PCDH15: variants seen among roughly 807,000 people sequenced by gnomAD.
PCDH15 encodes protocadherin-15.
PCDH15 carries 129 observed loss-of-function variants against 178.5 expected under a neutral mutation model. That is an observed-to-expected ratio of 0.72 (90% CI 0.63 to 0.84). The LOEUF (loss-of-function observed/expected upper bound fraction) is 0.84, where lower values mean the gene tolerates loss of function less well. PCDH15 is among the 40% of genes least tolerant of loss of function. The pLI is 0.00. For synonymous variants in PCDH15, 800 were observed against 732.0 expected, an observed-to-expected ratio of 1.09 and a Z score of -1.50; for missense variants, 2,230 against 2,099.9, an observed-to-expected ratio of 1.06 and a Z score of -1.21.
chr10:55,396,279 A>G (rs1837927268), intron 2 of PCDH15, among the ~76,000 whole-genome samples: 2 of 152,186 alleles, frequency 1.3e-5, no homozygotes, highest in Admixed American at 1.3e-4. Flanking sequence ...TAGAGAAAAG[A>G]TTGCACCATA....
intron 2 of PCDH15, among the ~76,000 whole-genome samples, chr10:55,082,674 A>T (rs2132027289): frequency 6.6e-6 from 1 of 151,752 alleles, no homozygotes; most frequent in East Asian, 1.9e-4. Flanking sequence ...CTAAAAAAGA[A>T]AAAAGAGAGA....
chr10:53,868,608 G>A (rs2079615358), intron 26 of PCDH15, among the ~76,000 whole-genome samples: 1 of 152,060 alleles, frequency 6.6e-6, no homozygotes, highest in Admixed American at 6.6e-5. Flanking sequence ...TACATAATAA[G>A]TAGTAAAGTT....
At chr10:54,418,864 G>A (rs1223363875) in intron 3 of PCDH15, among the ~76,000 whole-genome samples, 1 of 151,670 alleles carries the variant, frequency 6.6e-6, no homozygotes, top group Non-Finnish European at 1.5e-5. Context: ...ATATGCATTG[G>A]GAAATATTTG....
chr10:54,013,637 A>C (rs1318557354), intron 20 of PCDH15, among the ~76,000 whole-genome samples: 1 of 152,222 alleles, frequency 6.6e-6, no homozygotes, highest in Non-Finnish European at 1.5e-5. Context: ...ATGGAAATTA[A>C]CCACTTGTTC....
chr10:55,095,921 C>T (rs528723716), intron 2 of PCDH15, among the ~76,000 whole-genome samples: 3 of 152,042 alleles, frequency 2.0e-5, no homozygotes, highest in Admixed American at 2.0e-4. Flanking sequence ...AAATCAGGAG[C>T]TGTGGGTCCT....
chr10:54,286,326 T>C (rs2059023204), intron 8 of PCDH15, among the ~76,000 whole-genome samples: 1 of 152,172 alleles, frequency 6.6e-6, no homozygotes, highest in African/African-American at 2.4e-5. Context: ...ATATGCATAA[T>C]TATTATGTGT....
chr10:55,200,256 G>T (rs1008457979), intron 1 of PCDH15, among the ~76,000 whole-genome samples: 2 of 152,158 alleles, frequency 1.3e-5, no homozygotes, highest in Non-Finnish European at 2.9e-5. Flanking sequence ...CTTTGCATCA[G>T]TGTGGCCTAG....
intron 2 of PCDH15, among the ~76,000 whole-genome samples, chr10:55,385,803 ATG>A: frequency 6.7e-6 from 1 of 149,230 alleles, no homozygotes; most frequent in Non-Finnish European, 1.5e-5. Context: ...GTATATAGAT[ATG>A]CATATATATG....
intron 1 of PCDH15, among the ~76,000 whole-genome samples, chr10:55,193,424 AT>A (rs1427477281): frequency 6.6e-6 from 1 of 151,950 alleles, no homozygotes; most frequent in Non-Finnish European, 1.5e-5. Flanking sequence ...TACATATGCA[AT>A]TATGTTAAAA....
At chr10:55,406,615 G>A (rs1029075289) in intron 2 of PCDH15, among the ~76,000 whole-genome samples, 17 of 152,086 alleles carry the variant, frequency 1.1e-4, no homozygotes, top group Non-Finnish European at 2.4e-4. Flanking sequence ...GTGCTACCAG[G>A]GCAATGTTAA....
chr10:55,393,983 CTT>C (rs150421744), intron 2 of PCDH15, among the ~76,000 whole-genome samples: 2 of 151,556 alleles, frequency 1.3e-5, no homozygotes, highest in African/African-American at 4.8e-5. Flanking sequence ...ATATATATAA[CTT>C]TTTTTTTCTC....
chr10:54,248,931 TGGA>T (rs988341728), intron 8 of PCDH15, among the ~76,000 whole-genome samples: 5 of 151,948 alleles, frequency 3.3e-5, no homozygotes, highest in East Asian at 1.9e-4. Context: ...GCCTTAAAAA[TGGA>T]GGAGTTTAAT....
chr10:54,815,988 T>G (rs1207081501), intron 3 of PCDH15, among the ~76,000 whole-genome samples: 1 of 152,116 alleles, frequency 6.6e-6, no homozygotes, highest in Non-Finnish European at 1.5e-5. Context: ...TGATCAACAG[T>G]AGGCTATTAG....
chr10:54,433,980 G>A (rs896124771), intron 3 of PCDH15, among the ~76,000 whole-genome samples: 1 of 152,120 alleles, frequency 6.6e-6, no homozygotes, highest in Non-Finnish European at 1.5e-5. Context: ...CCTTTCATTG[G>A]GACGAGACGT....
chr10:54,987,705 T>C (rs1299084570), intron 2 of PCDH15, among the ~76,000 whole-genome samples: 1 of 148,910 alleles, frequency 6.7e-6, no homozygotes, highest in Non-Finnish European at 1.5e-5. Flanking sequence ...CACTTTTTGA[T>C]GTTTTTTTTT....
intron 1 of PCDH15, among the ~76,000 whole-genome samples, chr10:54,669,298 A>C (rs2094620197): frequency 6.6e-6 from 1 of 151,414 alleles, no homozygotes; most frequent in African/African-American, 2.4e-5. Flanking sequence ...TTTCAGATAT[A>C]TTCCTTCCTT....
At chr10:55,139,262 G>C (rs767241760) in intron 2 of PCDH15, among the ~76,000 whole-genome samples, 1 of 151,734 alleles carries the variant, frequency 6.6e-6, no homozygotes, top group African/African-American at 2.4e-5. Context: ...TCCTCTTATC[G>C]AGGTATTTGA....
intron 8 of PCDH15, among the ~76,000 whole-genome samples, chr10:54,269,660 T>G (rs181353098): frequency 6.6e-6 from 1 of 152,028 alleles, no homozygotes; most frequent in Non-Finnish European, 1.5e-5. Context: ...TAAAATTTGA[T>G]GATTGTGATT....
intron 18 of PCDH15, among the ~76,000 whole-genome samples, chr10:54,034,100 T>C (rs1048730466): frequency 3.9e-5 from 6 of 151,960 alleles, no homozygotes; most frequent in African/African-American, 1.4e-4. Context: ...AATTAAATTT[T>C]CTGGATAACA....
Sources: gnomAD v4.1 joint callset for allele counts (sites outside exome capture counted in the v4.1 genomes callset) on GRCh38, gnomAD v4.1.1 for gene constraint, MANE v1.5 for transcripts, NCBI Gene and HGNC (gene_info 2026-07-23, HGNC 2026-07-21) for gene names.